Variants in ZNF385D observed in about 807,000 individuals in gnomAD.
The protein encoded by ZNF385D is zinc finger protein 659.
A neutral mutation model predicts 35.8 loss-of-function variants in ZNF385D; 15 were observed. The observed-to-expected ratio is 0.42, with a 90% CI of 0.28 to 0.64. The LOEUF (loss-of-function observed/expected upper bound fraction) is 0.64. Among genes scored for constraint, ZNF385D ranks in the 30% least tolerant of loss-of-function variants. The pLI is 0.23. For missense variants in ZNF385D, 474 were observed against 494.6 expected, an observed-to-expected ratio of 0.96 and a Z score of 0.39; for synonymous variants, 212 against 186.8, an observed-to-expected ratio of 1.13 and a Z score of -1.10.
chr3:21,701,161 T>C (rs561952247), intron 1 of ZNF385D, among the ~76,000 whole-genome samples: 8 of 152,328 alleles, frequency 5.3e-5, no homozygotes, highest in African/African-American at 1.9e-4. Context: ...TCTGCAGGTA[T>C]GTGTTGTCCA....
chr3:22,160,582 C>T (rs1705880273), intron 3 of ZNF385D, among the ~76,000 whole-genome samples: 1 of 151,938 alleles, frequency 6.6e-6, no homozygotes, highest in African/African-American at 2.4e-5. Context: ...AAGAATAGAT[C>T]AGTGAGAACT....
At position 22,270,566 on chromosome 3, in the gene ZNF385D, G is replaced by A. The variant is rs139848759; in HGVS notation, c.107-101531C>T. Reference sequence around the variant, plus strand: ...TTGTGGTGTTAGAGTGAATGACAGTGTCATATACTTTCCTAGATACAATAA... The same window carrying A: ...TTGTGGTGTTAGAGTGAATGACAGTATCATATACTTTCCTAGATACAATAA... On this transcript the variant is annotated intron_variant, in intron 2 of 5. Transcript: ENST00000494108. 1.2e-3 allele frequency among the ~76,000 whole-genome samples: 188 copies of A among 152,072 alleles called. 1 individual carries two copies. The highest frequency in any genetic ancestry group is 4.2e-3 in the African/African-American group (175 of 41,530).
chr3:22,328,560 C>T (rs1399411664), intron 2 of ZNF385D, among the ~76,000 whole-genome samples: 3 of 151,610 alleles, frequency 2.0e-5, no homozygotes, highest in South Asian at 2.1e-4. Flanking sequence ...ATCAAGATAT[C>T]GAGACCATCC....
intron 3 of ZNF385D, among the ~76,000 whole-genome samples, chr3:22,086,002 A>G (rs557211818): frequency 1.3e-5 from 2 of 152,240 alleles, no homozygotes; most frequent in African/African-American, 4.8e-5. Flanking sequence ...AAATTCAACA[A>G]CACTTCATGC....
At chr3:21,490,139 ATC>A (rs1229748319) in intron 4 of ZNF385D, among the ~76,000 whole-genome samples, 1 of 151,916 alleles carries the variant, frequency 6.6e-6, no homozygotes, top group Non-Finnish European at 1.5e-5. Context: ...GTCCTGACTC[ATC>A]TCTTTTGTAT....
intron 2 of ZNF385D, among the ~76,000 whole-genome samples, chr3:22,173,025 T>C (rs943185187): frequency 6.6e-6 from 1 of 152,242 alleles, no homozygotes; most frequent in Non-Finnish European, 1.5e-5. Flanking sequence ...ACAGGTCACA[T>C]TGATAGCAAG....
intron 3 of ZNF385D, among the ~76,000 whole-genome samples, chr3:21,955,054 A>G (rs1288399898): frequency 1.3e-5 from 2 of 152,168 alleles, no homozygotes; most frequent in Non-Finnish European, 2.9e-5. Flanking sequence ...AAGGTTTTTT[A>G]TCGTTACCAA....
intron 3 of ZNF385D, among the ~76,000 whole-genome samples, chr3:22,123,922 ATCTCTCTCTCTCTC>A (rs34781505): frequency 3.7e-3 from 298 of 80,282 alleles, no homozygotes; most frequent in Non-Finnish European, 5.2e-3. Context: ...GCTAGACTCC[ATCTCTCTCTCTCTC>A]TCTCTCTCTC....
In ZNF385D at chr3:21,561,056, A is replaced by G. The variant is rs28822992; in HGVS notation, c.276+3518T>C. On this transcript the variant is annotated intron_variant, in intron 3 of 7. Transcript: ENST00000281523. ...TGCCATGCTGACAGCGTGAATTTCA[A>G]GCCCGTGGATCTTAGCCTGCTGGGC... is the stretch of plus-strand genomic sequence containing the variant. 8.0e-3 allele frequency among the ~76,000 whole-genome samples: 1,213 copies of G among 152,252 alleles called. 28 individuals carry two copies. The highest frequency in any genetic ancestry group is 0.07 in the South Asian group (338 of 4,826).
At chr3:21,734,539 GA>G (rs570536413) in intron 1 of ZNF385D, among the ~76,000 whole-genome samples, 120 of 147,310 alleles carry the variant, frequency 8.1e-4, no homozygotes, top group Middle Eastern at 3.4e-3. Flanking sequence ...ATACAGTGGG[GA>G]AAAAAAAAAC....
intron 2 of ZNF385D, among the ~76,000 whole-genome samples, chr3:22,226,364 C>T (rs1337335068): frequency 1.3e-5 from 2 of 152,070 alleles, no homozygotes; most frequent in Non-Finnish European, 2.9e-5. Context: ...GAAGGACTGC[C>T]ATTTCAGAAA....
At chr3:21,928,281 G>C (rs951440530) in intron 3 of ZNF385D, among the ~76,000 whole-genome samples, 1 of 144,594 alleles carries the variant, frequency 6.9e-6, no homozygotes, top group Non-Finnish European at 1.5e-5. Flanking sequence ...AAGGAAGAGA[G>C]GAAGGAAGGA....
At chr3:21,436,149 A>ATGTGTG (rs142483440) in intron 5 of ZNF385D, among the ~76,000 whole-genome samples, 2 of 150,094 alleles carry the variant, frequency 1.3e-5, no homozygotes, top group South Asian at 4.2e-4. Context: ...GACTGTGTGT[A>ATGTGTG]TGTGTGTGTG....
intron 2 of ZNF385D, among the ~76,000 whole-genome samples, chr3:22,328,206 T>A (rs773925122): frequency 6.6e-6 from 1 of 152,032 alleles, no homozygotes; most frequent in South Asian, 2.1e-4. Context: ...TCCTCTCTCC[T>A]TTCCACCCTC....
chr3:21,598,323 A>G (rs2064182556), intron 2 of ZNF385D, among the ~76,000 whole-genome samples: 1 of 152,206 alleles, frequency 6.6e-6, no homozygotes, highest in African/African-American at 2.4e-5. Context: ...GCAGTAGATC[A>G]TAGGTTACAT....
chr3:21,893,736 G>C (rs1234062045), intron 3 of ZNF385D, among the ~76,000 whole-genome samples: 1 of 152,146 alleles, frequency 6.6e-6, no homozygotes, highest in Admixed American at 6.6e-5. Context: ...CTCTCGTCAA[G>C]TCTAGCTATT....
intron 2 of ZNF385D, among the ~76,000 whole-genome samples, chr3:22,260,294 C>T (rs1423013042): frequency 6.6e-6 from 1 of 151,842 alleles, no homozygotes; most frequent in Non-Finnish European, 1.5e-5. Flanking sequence ...ACAATGAGAA[C>T]ACATGAACAA....
At position 22,331,271 on chromosome 3, in the gene ZNF385D, G is replaced by A. The variant is rs536527748; in HGVS notation, c.106+41179C>T. Among the ~76,000 whole-genome samples the A allele has an allele frequency of 5.9e-5, 9 of 152,204 alleles. 1 individual carries two copies. Among genetic ancestry groups the A allele is most frequent in the Admixed American group, 5.2e-4 (8 of 15,286 alleles). On this transcript the variant is annotated intron_variant, in intron 2 of 5. Transcript: ENST00000494108. The stretch of plus-strand genomic sequence containing the variant: ...GCTTTGCATAGATTACACAGCACAA[G>A]TGTCAGTGCTAGAACTATACATGAA...
At chr3:21,469,507 C>T (rs921555860) in intron 4 of ZNF385D, among the ~76,000 whole-genome samples, 15 of 151,946 alleles carry the variant, frequency 9.9e-5, no homozygotes, top group African/African-American at 1.5e-4. Flanking sequence ...TTAGGGAGTG[C>T]GAAAACAAGT....
Sources: gnomAD v4.1 joint callset for allele counts (sites outside exome capture counted in the v4.1 genomes callset) on GRCh38, gnomAD v4.1.1 for gene constraint, MANE v1.5 for transcripts, NCBI Gene and HGNC (gene_info 2026-07-23, HGNC 2026-07-21) for gene names.